Variants in RAD54L observed in about 807,000 individuals in gnomAD.
RAD54L encodes RAD54 like.
In RAD54L, 74 loss-of-function variants were observed where a neutral mutation model predicts 91.6. The ratio of observed to expected loss-of-function variants is 0.81; its 90% CI spans 0.67 to 0.98. RAD54L has a LOEUF of 0.98. RAD54L is among the 50% of genes least tolerant of loss of function. RAD54L has a pLI of 0.00. For missense variants in RAD54L, 887 were observed against 945.7 expected, an observed-to-expected ratio of 0.94 and a Z score of 0.81; for synonymous variants, 304 against 349.7, an observed-to-expected ratio of 0.87 and a Z score of 1.46.
intron 16 of RAD54L, chr1:46,277,506 G>A: frequency 2.2e-6 from 1 of 451,064 alleles, no homozygotes; most frequent in South Asian, 2.2e-5. Flanking sequence ...GTTAGAGTTG[G>A]GCTTGGTGCA....
rs1298276346 is a variant in RAD54L, at chr1:46,260,031, G to A, written c.339G>A (p.Leu113=). 1.2e-6 allele frequency: 2 copies of A among 1,614,178 alleles called. No homozygotes were observed. Among genetic ancestry groups the A allele is most frequent in the South Asian group, 1.1e-5 (1 of 91,088 alleles). Residue 113 remains leucine (L), a synonymous_variant, in exon 5 of 18, where the codon CTG becomes CTA. Transcript: ENST00000371975. ...TCCGCCGGGCCCTCCATGACCCCCT[G>A]GAAAAAGATGCCTTGGTTCTGTATG... ...AGVRRALHDP[L]EKDALVLYEP...
intron 10 of RAD54L, among the ~76,000 whole-genome samples, chr1:46,271,740 A>C (rs1224563661): frequency 1.3e-5 from 2 of 152,066 alleles, no homozygotes; most frequent in African/African-American, 4.8e-5. Context: ...TATCCTTCAT[A>C]GTCTTCCCAG....
At chr1:46,251,452 C>T (rs1011798124) in intron 3 of RAD54L, among the ~76,000 whole-genome samples, 1 of 152,204 alleles carries the variant, frequency 6.6e-6, no homozygotes, top group Non-Finnish European at 1.5e-5. Flanking sequence ...CTTTTCCCAT[C>T]CCCAGAGGTA....
Position 46,272,534 on chromosome 1 carries a change from G to A in RAD54L, c.1238G>A (p.Cys413Tyr), listed in dbSNP as rs933319138. 6.2e-7 allele frequency: 1 copy of A among 1,611,774 alleles called. No individual in the cohort carries two copies. The highest frequency in any genetic ancestry group is 8.5e-7 in the Non-Finnish European group (1 of 1,177,870). The change falls in exon 11 of 18, where the codon TGT becomes TAT. Residue 413 changes from cysteine to tyrosine, a missense_variant. Transcript: ENST00000371975. ...CCTGTGAAGATTGAGCAGGTCGTTT[G>A]TTGTAGGTACTGAACTCAACTGAAA... ...YLPVKIEQVVCCRLTPLQTEL... is the reference protein window; with the variant it reads ...YLPVKIEQVVYCRLTPLQTEL...
Position 46,272,661 on chromosome 1 carries a change from G to T in RAD54L, c.1245-11G>T. 6.2e-7 allele frequency: 1 copy of T among 1,614,140 alleles called. No homozygotes were observed. The highest frequency in any genetic ancestry group is 8.5e-7 in the Non-Finnish European group (1 of 1,180,016). ...TCTAGCTTTTTCCACTGACCCAGCT[G>T]CCTTTTTTAGGCTGACACCCCTTCA... On this transcript the variant is annotated splice_polypyrimidine_tract_variant and intron_variant, in intron 11 of 17. Transcript: ENST00000371975.
intron 2 of RAD54L, among the ~76,000 whole-genome samples, chr1:46,249,798 T>C (rs1659748659): frequency 6.6e-6 from 1 of 152,210 alleles, no homozygotes; most frequent in African/African-American, 2.4e-5. Context: ...GGTTATTTAA[T>C]CTCATTAAGC....
In RAD54L at chr1:46,274,484, G is replaced by A. The variant is rs539761561; in HGVS notation, c.1690-54G>A. On this transcript the variant is annotated intron_variant, in intron 15 of 17. Transcript: ENST00000371975. Reference sequence around the variant, plus strand: ...GGGAGGAGCTGGTTGGGCTGAGCAGGATCCCAGTTTAGGCTATAAGAGGTT... The same window carrying A: ...GGGAGGAGCTGGTTGGGCTGAGCAGAATCCCAGTTTAGGCTATAAGAGGTT... 2.9e-4 allele frequency: 468 copies of A among 1,587,472 alleles called. 7 individuals are homozygous for A. In the South Asian group the frequency reaches 5.0e-3, roughly 17 times the overall value.
chr1:46,266,157 A>T lies in RAD54L; in HGVS notation c.892-1302A>T, dbSNP rs182048480. Among the ~76,000 whole-genome samples, 8 of 152,346 alleles carry T rather than the reference A, an allele frequency of 5.3e-5. No individual in the cohort carries two copies. In the East Asian group the frequency reaches 1.3e-3, roughly 26 times the overall value. On this transcript the variant is annotated intron_variant, in intron 8 of 17. Coordinates refer to ENST00000371975, the MANE Select transcript of RAD54L (RefSeq NM_003579.4). ...CTCTAGGCAGAGGGGTGGCATGGGC[A>T]AAGAGACATAAGGAAAGCCAGCATT...
In RAD54L at chr1:46,253,720, C is replaced by CTTT. The variant is rs3063981; in HGVS notation, c.210+3620_210+3622dup. Among the ~76,000 whole-genome samples, 35 of 83,610 alleles carry CTTT rather than the reference C, an allele frequency of 4.2e-4. 1 individual carries two copies. Among genetic ancestry groups the CTTT allele is most frequent in the South Asian group, 9.3e-4 (2 of 2,160 alleles). 54.9% of individuals were successfully genotyped at this position (83,610 alleles called of 152,430 possible). A position where few individuals can be genotyped will look rare whatever the true frequency, so the allele number is the denominator to read the frequency against. On this transcript the variant is annotated intron_variant, in intron 3 of 17. Transcript: ENST00000371975. ...ACTCACAGTGATATACTTAGGTACTCTTTTTTTTTTTTTTTTTTTTTGAGA... is the reference window on the plus strand; with the variant it reads ...ACTCACAGTGATATACTTAGGTACTCTTTTTTTTTTTTTTTTTTTTTTTTGAGA...
intron 13 of RAD54L, 66 bp from the exon 14 acceptor site, chr1:46,273,558 T>A (rs2148301740): frequency 1.9e-6 from 3 of 1,612,222 alleles, no homozygotes; most frequent in Non-Finnish European, 2.5e-6. Context: ...AGGCAGGATA[T>A]CAAGAGTAAG....
chr1:46,253,603 G>T (rs975257562), intron 3 of RAD54L, among the ~76,000 whole-genome samples: 1 of 149,034 alleles, frequency 6.7e-6, no homozygotes, highest in Admixed American at 6.7e-5. Context: ...GACAGAGCGA[G>T]ACTCTGTCTA....
At chr1:46,269,031 C>T (rs1320487230) in intron 9 of RAD54L, among the ~76,000 whole-genome samples, 1 of 152,112 alleles carries the variant, frequency 6.6e-6, no homozygotes, top group East Asian at 1.9e-4. Context: ...TCCCAAACTG[C>T]TGGAATTATG....
At position 46,251,645 on chromosome 1, in the gene RAD54L, G is replaced by T. The variant is rs560029998; in HGVS notation, c.210+1526G>T. 2.0e-5 allele frequency among the ~76,000 whole-genome samples: 3 copies of T among 152,330 alleles called. No homozygotes were observed. The South Asian group carries it at 6.2e-4, about 32-fold the overall frequency. ...GTGTTGGGTGGGCATGTTGGTTCAT[G>T]CCTGTAATCCCAGCATTCTGGGAGG... On this transcript the variant is annotated intron_variant, in intron 3 of 17. Transcript: ENST00000371975.
chr1:46,272,341 C>A (rs1034130734), intron 10 of RAD54L, 125 bp from the exon 11 acceptor site: 3 of 903,560 alleles, frequency 3.3e-6, no homozygotes, highest in African/African-American at 1.6e-5. Context: ...CTGCGCCTGG[C>A]CGAGTCTCTG....
chr1:46,264,625 T>C (rs1220811412), intron 8 of RAD54L, among the ~76,000 whole-genome samples: 1 of 152,308 alleles, frequency 6.6e-6, no homozygotes, highest in Admixed American at 6.5e-5. Flanking sequence ...TTTGTACAAG[T>C]GTATAAATAG....
chr1:46,265,940 A>G lies in RAD54L; in HGVS notation c.892-1519A>G, dbSNP rs117669362. Among the ~76,000 whole-genome samples the G allele has an allele frequency of 3.3e-4, 50 of 152,344 alleles. 1 individual carries two copies. In the East Asian group the frequency reaches 9.4e-3, roughly 29 times the overall value. On this transcript the variant is annotated intron_variant, in intron 8 of 17. Coordinates refer to ENST00000371975, the MANE Select transcript of RAD54L (RefSeq NM_003579.4). This position sits in a 1 kb window ranked among gnomAD's most constrained non-coding sequence, Gnocchi z 4.8. ...AATACAATTTCCATTCGTGTGGATTACAGAACAGAATACAGGTAAAGTGTT... is the reference window on the plus strand; with the variant it reads ...AATACAATTTCCATTCGTGTGGATTGCAGAACAGAATACAGGTAAAGTGTT...
intron 16 of RAD54L, among the ~76,000 whole-genome samples, chr1:46,275,422 G>A (rs895880896): frequency 6.6e-6 from 1 of 152,084 alleles, no homozygotes; most frequent in Non-Finnish European, 1.5e-5. Flanking sequence ...TCAGCCTAAT[G>A]TTCCTGTAGC....
chr1:46,264,993 G>A (rs540618404), intron 8 of RAD54L, among the ~76,000 whole-genome samples: 20 of 152,228 alleles, frequency 1.3e-4, no homozygotes, highest in Non-Finnish European at 2.4e-4. Context: ...CCTTTTATGT[G>A]TCAAGCCCTG....
chr1:46,277,734 C>G (rs1197915680), intron 16 of RAD54L, 83 bp from the exon 17 acceptor site: 2 of 1,475,440 alleles, frequency 1.4e-6, no homozygotes, highest in African/African-American at 1.4e-5. Context: ...GCTGTAGTTT[C>G]AACCCTTTGG....
Sources: gnomAD v4.1 joint callset for allele counts (sites outside exome capture counted in the v4.1 genomes callset) on GRCh38, gnomAD v4.1.1 for gene constraint, Gnocchi (gnomAD v3.1) non-coding constraint, MANE v1.5 for transcripts, NCBI Gene and HGNC (gene_info 2026-07-23, HGNC 2026-07-21) for gene names.